GRK4: variants seen among roughly 807,000 people sequenced by gnomAD.
GRK4 encodes the protein G protein-coupled receptor kinase 4.
A neutral mutation model predicts 77.9 loss-of-function variants in GRK4; 73 were observed. The ratio of observed to expected loss-of-function variants is 0.94; its 90% CI spans 0.78 to 1.14. GRK4 has a LOEUF of 1.14. Among genes scored for constraint, GRK4 ranks in the 50% most tolerant of loss-of-function variants. GRK4 has a pLI of 0.00. For synonymous variants in GRK4, 257 were observed against 254.4 expected, an observed-to-expected ratio of 1.01 and a Z score of -0.10; for missense variants, 729 against 700.2, an observed-to-expected ratio of 1.04 and a Z score of -0.46.
In GRK4 at chr4:2,964,052, G is replaced by C. The variant is rs376025838; in HGVS notation, c.-19G>C. ...CTCCTCGGTCTCGCAGAATCCGCCG[G>C]CGGCGGCGGCGCCAGGACATGGAGC... On this transcript the variant is annotated 5_prime_UTR_variant, in exon 1 of 16. Transcript: ENST00000398052. 6 of 1,603,870 alleles carry C rather than the reference G, an allele frequency of 3.7e-6. No homozygotes were observed. In the Admixed American group the frequency reaches 5.1e-5, roughly 14 times the overall value.
Position 2,963,887 on chromosome 4 carries a change from G to T in GRK4, c.-184G>T. On this transcript the variant is annotated 5_prime_UTR_variant, in exon 1 of 16. Coordinates refer to ENST00000398052, the MANE Select transcript of GRK4 (RefSeq NM_182982.3). ...CCCCTGCTGGTGAGGGCCTGCGGAG[G>T]CGGCGGCGGCGGCGCCCTTGGTGGC... 1 of 630,786 alleles carries T rather than the reference G, an allele frequency of 1.6e-6. No homozygotes were observed. The allele number at this position is 630,786 out of a possible 1,614,324, so 39.1% of individuals were successfully genotyped here. A position where few individuals can be genotyped will look rare whatever the true frequency, so the allele number is the denominator to read the frequency against.
At chr4:3,032,991 A>G (rs1006933095) in intron 12 of GRK4, among the ~76,000 whole-genome samples, 1 of 152,166 alleles carries the variant, frequency 6.6e-6, no homozygotes, top group East Asian at 1.9e-4. Flanking sequence ...TGAGTAATTT[A>G]TCAACAGCAG....
At chr4:2,972,465 G>T (rs1015178882) in intron 1 of GRK4, among the ~76,000 whole-genome samples, 1 of 152,124 alleles carries the variant, frequency 6.6e-6, no homozygotes, top group Non-Finnish European at 1.5e-5. Flanking sequence ...TGGAACTGAG[G>T]ACAGCTGAAT....
chr4:3,014,696 C>G (rs1333008539), intron 8 of GRK4, among the ~76,000 whole-genome samples: 1 of 152,032 alleles, frequency 6.6e-6, no homozygotes, highest in Non-Finnish European at 1.5e-5. Context: ...ACTTGGGATG[C>G]TGGTGCAGGA....
intron 10 of GRK4, among the ~76,000 whole-genome samples, chr4:3,025,546 C>A (rs1022027748): frequency 6.6e-6 from 1 of 151,332 alleles, no homozygotes; most frequent in Non-Finnish European, 1.5e-5. Flanking sequence ...CCCGCCACCA[C>A]GCCCGGCTAA....
chr4:2,979,900 A>G (rs548948608), intron 1 of GRK4, among the ~76,000 whole-genome samples: 1 of 152,344 alleles, frequency 6.6e-6, no homozygotes, highest in African/African-American at 2.4e-5. Flanking sequence ...GGTCCAGTGT[A>G]CCTGGTCTCA....
intron 1 of GRK4, among the ~76,000 whole-genome samples, chr4:2,979,415 A>AC (rs1227993517): frequency 6.7e-6 from 1 of 149,456 alleles, no homozygotes; most frequent in African/African-American, 2.5e-5. Context: ...AAAAAAAAAA[A>AC]AAAAAAAAAA....
chr4:3,038,250 C>T (rs1741386772), intron 14 of GRK4, 126 bp from the exon 15 acceptor site: 1 of 1,204,680 alleles, frequency 8.3e-7, no homozygotes, highest in African/African-American at 1.5e-5. Flanking sequence ...AAAGGGGCCC[C>T]ACAGTGGGTG....
At position 3,038,032 on chromosome 4, in the gene GRK4, A is replaced by G. The variant is rs1369848272; in HGVS notation, c.1546-344A>G. On this transcript the variant is annotated intron_variant, in intron 14 of 15. Transcript: ENST00000398052. ...AGCACAGCGGCTGTCCCTGGTCCCA[A>G]TGACAGGAAGTGGACAGGAGGTAGC... Among the ~76,000 whole-genome samples, 7 of 152,282 alleles carry G rather than the reference A, an allele frequency of 4.6e-5. No homozygotes were observed. The South Asian group carries it at 1.2e-3, about 27-fold the overall frequency.
chr4:2,991,212 G>T (rs929541671), intron 3 of GRK4, among the ~76,000 whole-genome samples: 1 of 152,170 alleles, frequency 6.6e-6, no homozygotes, highest in Non-Finnish European at 1.5e-5. Flanking sequence ...TGAAGCTGCC[G>T]TCCTCAGGCA....
At chr4:3,004,189 G>A (rs766144168) in intron 4 of GRK4, 42 bp from the exon 5 acceptor site, 5 of 1,322,660 alleles carry the variant, frequency 3.8e-6, no homozygotes, top group Non-Finnish European at 5.4e-6. Flanking sequence ...AGTAAGTTAT[G>A]AAATCACTAA....
chr4:2,990,534 G>T (rs531449088), intron 3 of GRK4, among the ~76,000 whole-genome samples: 1 of 152,244 alleles, frequency 6.6e-6, no homozygotes, highest in Admixed American at 6.5e-5. Flanking sequence ...TAGGATTACA[G>T]GCATCAGCCA....
chr4:3,015,912 A>ATT (rs60758953), intron 8 of GRK4, among the ~76,000 whole-genome samples: 1 of 139,806 alleles, frequency 7.2e-6, no homozygotes, highest in South Asian at 2.4e-4. Context: ...CCATCACCCT[A>ATT]TTTTTTTTTT....
rs755103498 is a variant in GRK4, at chr4:3,019,845, T to G, written c.932+14T>G. 3 of 1,596,404 alleles carry G rather than the reference T, an allele frequency of 1.9e-6. No homozygotes were observed. In the African/African-American group the frequency reaches 4.0e-5, roughly 21 times the overall value. On this transcript the variant is annotated intron_variant, in intron 9 of 15. Transcript: ENST00000398052. ...AATTGTATACAGGTAAGAACGGTGC[T>G]ACCTAATGGAGCCTGCAAGTCTTGG...
chr4:3,000,564 CTTTTCTTTTCT>C (rs141926191), intron 4 of GRK4, among the ~76,000 whole-genome samples: 58,249 of 149,704 alleles, frequency 0.39, 12,060 homozygotes, highest in African/African-American at 0.53. Context: ...CTTTTCTTTT[CTTTTCTTTTCT>C]TTTTTTTTTT....
intron 4 of GRK4, among the ~76,000 whole-genome samples, chr4:3,002,807 C>T (rs532945185): frequency 1.3e-5 from 2 of 152,006 alleles, no homozygotes; most frequent in East Asian, 3.9e-4. Context: ...TGCAATGAGC[C>T]GAGATTTTCT....
At chr4:2,988,581 A>G in intron 2 of GRK4, 146 bp from the exon 3 acceptor site, 1 of 515,752 alleles carries the variant, frequency 1.9e-6, no homozygotes, top group Non-Finnish European at 3.5e-6. Flanking sequence ...GAAACAAACA[A>G]CAACAACAAC....
At chr4:3,032,314 C>T (rs1486683902) in intron 12 of GRK4, among the ~76,000 whole-genome samples, 1 of 112,316 alleles carries the variant, frequency 8.9e-6, no homozygotes, top group African/African-American at 3.1e-5. Flanking sequence ...AATCCTATCT[C>T]TACTAAAAAA....
At chr4:2,975,171 C>T (rs188774099) in intron 1 of GRK4, among the ~76,000 whole-genome samples, 87 of 152,150 alleles carry the variant, frequency 5.7e-4, no homozygotes, top group African/African-American at 1.7e-3. Flanking sequence ...GGCGTGGTTG[C>T]GCGCACCTGT....
Sources: gnomAD v4.1 joint callset for allele counts (sites outside exome capture counted in the v4.1 genomes callset) on GRCh38, gnomAD v4.1.1 for gene constraint, MANE v1.5 for transcripts, NCBI Gene and HGNC (gene_info 2026-07-23, HGNC 2026-07-21) for gene names.